OPCML: variants seen among roughly 807,000 people sequenced by gnomAD.
OPCML encodes opioid-binding protein/cell adhesion molecule.
In OPCML, 13 loss-of-function variants were observed where a neutral mutation model predicts 37.8. That is an observed-to-expected ratio of 0.34 (90% CI 0.22 to 0.55). OPCML has a LOEUF of 0.55. Among genes scored for constraint, OPCML ranks in the 20% least tolerant of loss-of-function variants. The pLI is 0.91. For synonymous variants in OPCML, 176 were observed against 168.8 expected, an observed-to-expected ratio of 1.04 and a Z score of -0.33; for missense variants, 341 against 435.6, an observed-to-expected ratio of 0.78 and a Z score of 1.93.
At chr11:133,294,591 G>A (rs1011656478) in intron 1 of OPCML, among the ~76,000 whole-genome samples, 6 of 152,080 alleles carry the variant, frequency 3.9e-5, no homozygotes, top group Admixed American at 3.3e-4. Flanking sequence ...GGTGGACCAA[G>A]CTGATAATTT....
At chr11:132,705,343 C>A (rs2135934363) in intron 2 of OPCML, among the ~76,000 whole-genome samples, 1 of 152,120 alleles carries the variant, frequency 6.6e-6, no homozygotes, top group South Asian at 2.1e-4. Context: ...GTCATCTGGG[C>A]ACTTTGGGAG....
intron 2 of OPCML, among the ~76,000 whole-genome samples, chr11:132,714,622 T>C (rs888235943): frequency 2.6e-5 from 4 of 152,128 alleles, no homozygotes; most frequent in East Asian, 1.9e-4. Context: ...AAACCTATAG[T>C]TGGTTATGTT....
At chr11:132,736,575 T>C (rs1225069365) in intron 2 of OPCML, among the ~76,000 whole-genome samples, 26 of 152,184 alleles carry the variant, frequency 1.7e-4, no homozygotes, top group Non-Finnish European at 8.8e-5. Flanking sequence ...GAATTGACAG[T>C]GGGTAACTCC....
chr11:132,832,219 TC>T (rs1248475612), intron 2 of OPCML, among the ~76,000 whole-genome samples: 1 of 135,084 alleles, frequency 7.4e-6, no homozygotes, highest in East Asian at 2.0e-4. Context: ...CTTCCCAACC[TC>T]TTTTTTTTTT....
intron 1 of OPCML, among the ~76,000 whole-genome samples, chr11:132,987,264 A>AAG (rs1207386765): frequency 1.3e-5 from 2 of 152,076 alleles, no homozygotes; most frequent in African/African-American, 4.8e-5. Context: ...GGGAGGGAGG[A>AAG]AGAGAAGCAC....
chr11:132,444,380 G>C (rs1380281950), intron 4 of OPCML, among the ~76,000 whole-genome samples: 2 of 152,146 alleles, frequency 1.3e-5, no homozygotes, highest in Admixed American at 1.3e-4. Context: ...CCTGATGTGA[G>C]AGCCCCCTTC....
intron 2 of OPCML, among the ~76,000 whole-genome samples, chr11:132,858,710 T>A (rs1341326434): frequency 6.6e-6 from 1 of 152,198 alleles, no homozygotes; most frequent in African/African-American, 2.4e-5. Context: ...TGAATTCTCC[T>A]TATATTAATC....
At chr11:133,336,366 A>G (rs942640516) in intron 1 of OPCML, among the ~76,000 whole-genome samples, 4 of 151,152 alleles carry the variant, frequency 2.6e-5, no homozygotes, top group African/African-American at 9.7e-5. Context: ...ACTAATGGGA[A>G]AAAAAAAAGA....
chr11:132,993,798 G>A (rs1382756533), intron 1 of OPCML, among the ~76,000 whole-genome samples: 2 of 152,112 alleles, frequency 1.3e-5, no homozygotes, highest in Non-Finnish European at 1.5e-5. Context: ...TCTAGACATT[G>A]ACAGGCCACT....
At chr11:132,900,748 T>C (rs1397297625) in intron 2 of OPCML, among the ~76,000 whole-genome samples, 1 of 152,128 alleles carries the variant, frequency 6.6e-6, no homozygotes, top group Non-Finnish European at 1.5e-5. Context: ...TAACTCCAGC[T>C]CCTTCATGTC....
chr11:132,754,409 C>G (rs1273727901), intron 2 of OPCML, among the ~76,000 whole-genome samples: 1 of 152,186 alleles, frequency 6.6e-6, no homozygotes, highest in Non-Finnish European at 1.5e-5. Flanking sequence ...AGCTCTCTCT[C>G]TCTTTGCTTG....
chr11:132,674,975 T>C (rs1488708776), intron 2 of OPCML, among the ~76,000 whole-genome samples: 1 of 152,186 alleles, frequency 6.6e-6, no homozygotes, highest in Non-Finnish European at 1.5e-5. Context: ...CGTTTTTAAA[T>C]CAGCTACTAT....
chr11:132,574,444 T>A (rs985576730), intron 3 of OPCML, among the ~76,000 whole-genome samples: 14 of 151,660 alleles, frequency 9.2e-5, no homozygotes, highest in Non-Finnish European at 1.9e-4. Context: ...ATCCCATAAG[T>A]TTTTGTATAT....
intron 2 of OPCML, among the ~76,000 whole-genome samples, chr11:132,898,378 G>T (rs138867538): frequency 6.6e-6 from 1 of 152,042 alleles, no homozygotes; most frequent in Non-Finnish European, 1.5e-5. Flanking sequence ...CCTTATCCAC[G>T]CTCATGGTAT....
At chr11:133,531,916 G>A (rs1400998545) in intron 1 of OPCML, among the ~76,000 whole-genome samples, 1 of 152,114 alleles carries the variant, frequency 6.6e-6, no homozygotes, top group African/African-American at 2.4e-5. Flanking sequence ...ATTTATGGCT[G>A]GGAGTTCAAA....
intron 1 of OPCML, chr11:133,025,159 C>T: frequency 1.9e-6 from 1 of 535,560 alleles, no homozygotes; most frequent in Non-Finnish European, 2.4e-6. Flanking sequence ...GACTGCAATA[C>T]AACCCAATGG....
intron 1 of OPCML, among the ~76,000 whole-genome samples, chr11:133,487,584 T>C (rs1181395955): frequency 6.6e-6 from 1 of 152,142 alleles, no homozygotes; most frequent in East Asian, 1.9e-4. Context: ...TTTTCTTTTA[T>C]TCATCTGCTT....
At chr11:132,588,568 C>G (rs1012206389) in intron 3 of OPCML, among the ~76,000 whole-genome samples, 1 of 152,216 alleles carries the variant, frequency 6.6e-6, no homozygotes, top group Non-Finnish European at 1.5e-5. Flanking sequence ...GTGAGCAGCT[C>G]TGCTCCAGCC....
At chr11:132,908,239 G>A (rs982870819) in intron 2 of OPCML, among the ~76,000 whole-genome samples, 3 of 151,020 alleles carry the variant, frequency 2.0e-5, no homozygotes, top group East Asian at 3.9e-4. Flanking sequence ...AGAAAGAAAA[G>A]TGAAAGACAT....
Sources: allele counts gnomAD v4.1 joint callset (sites outside exome capture counted in the v4.1 genomes callset), GRCh38; gene constraint gnomAD v4.1.1; transcripts MANE v1.5; gene names NCBI Gene and HGNC (gene_info 2026-07-23, HGNC 2026-07-21).